The following ENTREP2 variants were observed in gnomAD, a reference collection of about 807,000 sequenced individuals.
ENTREP2 encodes protein ENTREP2.
chr15:29,207,377 A>G, the ENTREP2 span, among the ~76,000 whole-genome samples: 12 of 148,630 alleles, frequency 8.1e-5, no homozygotes, highest in African/African-American at 2.7e-4. Flanking sequence ...AGAGTGAGTG[A>G]TAACAAAGTT....
chr15:29,468,286 A>G, the ENTREP2 span, among the ~76,000 whole-genome samples: 3 of 152,126 alleles, frequency 2.0e-5, no homozygotes, highest in Non-Finnish European at 4.4e-5. Context: ...TTGCATCACT[A>G]GACCACCAAT....
chr15:29,541,944 G>C, the ENTREP2 span, among the ~76,000 whole-genome samples: 1 of 152,170 alleles, frequency 6.6e-6, no homozygotes, highest in Admixed American at 6.5e-5. Context: ...GAATTAGTTG[G>C]TCCTCCTGTT....
the ENTREP2 span, among the ~76,000 whole-genome samples, chr15:29,149,245 C>A: frequency 6.6e-6 from 1 of 152,220 alleles, no homozygotes; most frequent in East Asian, 1.9e-4. Flanking sequence ...GCAATACATT[C>A]AGCAGCACCC....
At chr15:29,274,902 G>T in the ENTREP2 span, among the ~76,000 whole-genome samples, 1 of 152,160 alleles carries the variant, frequency 6.6e-6, no homozygotes, top group Non-Finnish European at 1.5e-5. Flanking sequence ...GGTAATTGTG[G>T]GAAAAGTAAA....
the ENTREP2 span, among the ~76,000 whole-genome samples, chr15:29,159,141 G>A: frequency 6.6e-6 from 1 of 152,106 alleles, no homozygotes; most frequent in Admixed American, 6.5e-5. Flanking sequence ...TCTTAAAGGT[G>A]GCGTGTCTGG....
the ENTREP2 span, among the ~76,000 whole-genome samples, chr15:29,571,036 G>A: frequency 5.5e-5 from 8 of 146,478 alleles, 1 homozygote; most frequent in African/African-American, 2.0e-4. Flanking sequence ...CGCCGCCGCT[G>A]CTGCCGTACC....
the ENTREP2 span, among the ~76,000 whole-genome samples, chr15:29,674,835 C>G: frequency 2.0e-5 from 3 of 152,088 alleles, no homozygotes; most frequent in South Asian, 4.1e-4. Context: ...CCCGCTGCCT[C>G]CGCCTCTCGC....
At chr15:29,587,833 A>G in the ENTREP2 span, among the ~76,000 whole-genome samples, 2 of 151,886 alleles carry the variant, frequency 1.3e-5, no homozygotes, top group African/African-American at 4.8e-5. Context: ...TAATTTTTGT[A>G]TTTTTAGTAG....
the ENTREP2 span, among the ~76,000 whole-genome samples, chr15:29,356,528 A>G: frequency 2.0e-5 from 3 of 151,180 alleles, no homozygotes; most frequent in Admixed American, 2.0e-4. Context: ...GATGGTCTTG[A>G]TCTCCTGACC....
chr15:29,314,292 A>G, the ENTREP2 span, among the ~76,000 whole-genome samples: 21 of 152,218 alleles, frequency 1.4e-4, no homozygotes, highest in Non-Finnish European at 3.1e-4. Flanking sequence ...AAACGCTATC[A>G]AACAGCATTG....
chr15:29,418,412 C>G, the ENTREP2 span, among the ~76,000 whole-genome samples: 1 of 152,146 alleles, frequency 6.6e-6, no homozygotes, highest in Non-Finnish European at 1.5e-5. Context: ...GTGCAGAGTA[C>G]AGAAGCCATC....
chr15:29,215,340 A>C, the ENTREP2 span, among the ~76,000 whole-genome samples: 4 of 151,016 alleles, frequency 2.6e-5, no homozygotes, highest in African/African-American at 9.9e-5. Flanking sequence ...GGAACACTCT[A>C]ATCAGCTGCT....
At chr15:29,326,836 G>A in the ENTREP2 span, among the ~76,000 whole-genome samples, 1 of 152,018 alleles carries the variant, frequency 6.6e-6, no homozygotes, top group African/African-American at 2.4e-5. Flanking sequence ...GTATAAACAA[G>A]TCAACATGGT....
chr15:29,406,327 A>T, the ENTREP2 span, among the ~76,000 whole-genome samples: 1 of 152,212 alleles, frequency 6.6e-6, no homozygotes, highest in East Asian at 1.9e-4. Context: ...CGGGTGGATC[A>T]CTTGAGGCCA....
chr15:29,414,180 A>G, the ENTREP2 span, among the ~76,000 whole-genome samples: 1 of 152,206 alleles, frequency 6.6e-6, no homozygotes, highest in Admixed American at 6.5e-5. Flanking sequence ...CTCCACCCCA[A>G]ATCAACAGAA....
At chr15:29,633,447 G>A in the ENTREP2 span, among the ~76,000 whole-genome samples, 1 of 151,538 alleles carries the variant, frequency 6.6e-6, no homozygotes. Flanking sequence ...ATATAAAATT[G>A]CATTTGATGT....
At chr15:29,477,512 T>C in the ENTREP2 span, among the ~76,000 whole-genome samples, 2 of 152,198 alleles carry the variant, frequency 1.3e-5, no homozygotes, top group African/African-American at 2.4e-5. Flanking sequence ...CTTGGAGAAC[T>C]GTGGATACAC....
At chr15:29,224,856 T>G in the ENTREP2 span, among the ~76,000 whole-genome samples, 1 of 152,048 alleles carries the variant, frequency 6.6e-6, no homozygotes, top group African/African-American at 2.4e-5. Flanking sequence ...CGGTGCACAC[T>G]GGGGAGGCTC....
At chr15:29,413,252 C>A in the ENTREP2 span, among the ~76,000 whole-genome samples, 1 of 152,078 alleles carries the variant, frequency 6.6e-6, no homozygotes, top group African/African-American at 2.4e-5. Flanking sequence ...CTGCAGAATT[C>A]AGTATATGTA....
Sources: gnomAD v4.1 joint callset for allele counts (sites outside exome capture counted in the v4.1 genomes callset) on GRCh38, gnomAD v4.1.1 for gene constraint, MANE v1.5 for transcripts, NCBI Gene and HGNC (gene_info 2026-07-23, HGNC 2026-07-21) for gene names.